CHRM3: variants seen among roughly 807,000 people sequenced by gnomAD.
CHRM3 encodes muscarinic acetylcholine receptor M3.
Under a neutral mutation model 41.8 loss-of-function variants are expected in CHRM3, and 11 were observed. That is an observed-to-expected ratio of 0.26 (90% confidence interval 0.17 to 0.44). The LOEUF (loss-of-function observed/expected upper bound fraction) is 0.44, where lower values mean the gene tolerates loss of function less well. Among genes scored for constraint, CHRM3 ranks in the 20% least tolerant of loss-of-function variants. The pLI, the probability that CHRM3 is intolerant of heterozygous loss-of-function variation, is 1.00. For synonymous variants in CHRM3, 297 were observed against 301.4 expected, an observed-to-expected ratio of 0.99 and a Z score of 0.15; for missense variants, 571 against 745.4, an observed-to-expected ratio of 0.77 and a Z score of 2.72.
chr1:239,606,293 G>C (rs915134826), intron 3 of CHRM3: 9 of 151,766 alleles, frequency 5.9e-5, no homozygotes, highest in African/African-American at 1.9e-4. Flanking sequence ...AGGGTGCGGG[G>C]GGGGAAGAAT....
rs1669936733 is a variant in CHRM3, at chr1:239,632,259, G to GTCT, written c.-275_-274insTTC. 2 of 152,186 alleles carry GTCT rather than the reference G, an allele frequency of 1.3e-5. No individual in the cohort carries two copies. The highest frequency in any genetic ancestry group is 4.1e-4 in the South Asian group (2 of 4,836). The allele number at this position is 152,186 out of a possible 1,614,324, so 9.4% of individuals were successfully genotyped here. On this transcript the variant is annotated 5_prime_UTR_variant, in exon 4 of 7. Coordinates refer to ENST00000676153, the MANE Select transcript of CHRM3 (RefSeq NM_001375978.1). ...CTGATTAGTGGCCAAATAAATGACAGTCAGAACTTCAGCTAAGGTACAATA... is the reference window on the plus strand; with the variant it reads ...CTGATTAGTGGCCAAATAAATGACAGTCTTCAGAACTTCAGCTAAGGTACAATA...
At chr1:239,742,354 T>C (rs879637714) in intron 5 of CHRM3, among the ~76,000 whole-genome samples, 2 of 152,072 alleles carry the variant, frequency 1.3e-5, no homozygotes, top group Non-Finnish European at 2.9e-5. Flanking sequence ...TGGCCTGGAG[T>C]CACTCCTATG....
rs532897513 is a variant in CHRM3 at position 239,408,735 on chromosome 1, G to A, written c.-521+21508G>A. ...AATCACGGCTCAGTGCAGCCTGACCGCTCAGACTCCCAAGTAGTTGGGACT... is the reference window on the plus strand; with the variant it reads ...AATCACGGCTCAGTGCAGCCTGACCACTCAGACTCCCAAGTAGTTGGGACT... On this transcript the variant is annotated intron_variant, in intron 1 of 6. Coordinates refer to ENST00000676153, the MANE Select transcript of CHRM3 (RefSeq NM_001375978.1). Among the ~76,000 whole-genome samples, 8 of 151,564 alleles carry A rather than the reference G, an allele frequency of 5.3e-5. No individual in the cohort carries two copies. In the East Asian group the frequency reaches 5.9e-4, roughly 11 times the overall value.
intron 4 of CHRM3, among the ~76,000 whole-genome samples, chr1:239,669,403 A>G (rs1254178893): frequency 1.3e-5 from 2 of 152,058 alleles, no homozygotes; most frequent in African/African-American, 2.4e-5. Context: ...TTTTTTCCTT[A>G]AAAAGGGATT....
intron 5 of CHRM3, among the ~76,000 whole-genome samples, chr1:239,709,964 T>C (rs943722680): frequency 2.0e-5 from 3 of 152,222 alleles, no homozygotes; most frequent in African/African-American, 7.2e-5. Flanking sequence ...TATCATGAGA[T>C]ATTACTAAAG....
chr1:239,710,806 T>C (rs780482533), intron 5 of CHRM3, among the ~76,000 whole-genome samples: 6 of 151,928 alleles, frequency 3.9e-5, no homozygotes, highest in Non-Finnish European at 7.4e-5. Flanking sequence ...AGAGTGAAGG[T>C]TGACCACTCC....
intron 5 of CHRM3, among the ~76,000 whole-genome samples, chr1:239,753,986 CTT>C (rs1666045870): frequency 6.6e-6 from 1 of 152,072 alleles, no homozygotes; most frequent in Non-Finnish European, 1.5e-5. Context: ...AGGTTAGAGG[CTT>C]TGCTATGTTC....
At chr1:239,766,776 A>G (rs549404392) in intron 5 of CHRM3, among the ~76,000 whole-genome samples, 2 of 152,284 alleles carry the variant, frequency 1.3e-5, no homozygotes, top group African/African-American at 4.8e-5. Context: ...CAGTGGTGCG[A>G]TCTGGGCTCA....
At chr1:239,715,870 A>T (rs1662302000) in intron 5 of CHRM3, among the ~76,000 whole-genome samples, 1 of 152,026 alleles carries the variant, frequency 6.6e-6, no homozygotes, top group Non-Finnish European at 1.5e-5. Flanking sequence ...ATACTGTTGG[A>T]TTGGAAGAAA....
intron 6 of CHRM3, among the ~76,000 whole-genome samples, chr1:239,837,250 C>A (rs555155841): frequency 6.6e-6 from 1 of 152,188 alleles, no homozygotes; most frequent in South Asian, 2.1e-4. Context: ...CTGTTTAGAG[C>A]CAATAAAGTG....
chr1:239,568,644 A>G (rs530285642), intron 3 of CHRM3, among the ~76,000 whole-genome samples: 2 of 151,996 alleles, frequency 1.3e-5, no homozygotes, highest in East Asian at 1.9e-4. Context: ...AAAAAATTAG[A>G]CATATATCCC....
chr1:239,407,405 A>AAT (rs143680510), intron 1 of CHRM3, among the ~76,000 whole-genome samples: 14,678 of 136,742 alleles, frequency 0.11, 1,524 homozygotes, highest in African/African-American at 0.21. Flanking sequence ...AATGACTATA[A>AAT]ATATATATAT....
intron 2 of CHRM3, among the ~76,000 whole-genome samples, chr1:239,512,762 C>G (rs1209973686): frequency 6.6e-6 from 1 of 151,782 alleles, no homozygotes; most frequent in Non-Finnish European, 1.5e-5. Context: ...TATGTAGAGG[C>G]TTTAATTCCA....
chr1:239,453,399 C>T (rs1259773887), intron 1 of CHRM3, among the ~76,000 whole-genome samples: 1 of 152,062 alleles, frequency 6.6e-6, no homozygotes, highest in Non-Finnish European at 1.5e-5. Flanking sequence ...GCTAAAATAC[C>T]TCTTTTTAGA....
intron 2 of CHRM3, among the ~76,000 whole-genome samples, chr1:239,497,377 G>A (rs970315385): frequency 2.6e-5 from 4 of 152,082 alleles, no homozygotes; most frequent in African/African-American, 9.7e-5. Flanking sequence ...CCAGAGATTG[G>A]GGGTCACTGA....
intron 6 of CHRM3, among the ~76,000 whole-genome samples, chr1:239,868,961 A>G (rs774734654): frequency 1.3e-5 from 2 of 152,180 alleles, no homozygotes; most frequent in African/African-American, 2.4e-5. Flanking sequence ...CTCAAGGTCA[A>G]GGTCCTTACA....
rs1209440149 is a variant in CHRM3, at chr1:239,907,418, C to T, written c.-19-15C>T. 2 of 1,574,876 alleles carry T rather than the reference C, an allele frequency of 1.3e-6. No individual in the cohort carries two copies. Among genetic ancestry groups the T allele is most frequent in the Non-Finnish European group, 8.6e-7 (1 of 1,158,374 alleles). On this transcript the variant is annotated splice_polypyrimidine_tract_variant and intron_variant, in intron 6 of 6. Coordinates refer to ENST00000676153, the MANE Select transcript of CHRM3 (RefSeq NM_001375978.1). This position sits in a 1 kb window ranked among gnomAD's most constrained non-coding sequence, Gnocchi z 5.4. ...AGAAATTTTTCTAACTCTGTCTCTT[C>T]TCTCTTTCCCCCAGACTATGTCAGA... is the stretch of plus-strand genomic sequence containing the variant.
chr1:239,692,970 T>C (rs1659855169), intron 5 of CHRM3, among the ~76,000 whole-genome samples: 1 of 152,222 alleles, frequency 6.6e-6, no homozygotes, highest in Non-Finnish European at 1.5e-5. Flanking sequence ...CAACAGTTTC[T>C]ATGAATTTTG....
intron 6 of CHRM3, among the ~76,000 whole-genome samples, chr1:239,878,598 T>A (rs766344261): frequency 1.1e-4 from 16 of 150,698 alleles, no homozygotes; most frequent in African/African-American, 2.0e-4. Context: ...CTCAGTATTT[T>A]AAATTTTTTT....
Sources: gnomAD v4.1 joint callset for allele counts (sites outside exome capture counted in the v4.1 genomes callset) on GRCh38, gnomAD v4.1.1 for gene constraint, Gnocchi (gnomAD v3.1) non-coding constraint, MANE v1.5 for transcripts, NCBI Gene and HGNC (gene_info 2026-07-23, HGNC 2026-07-21) for gene names.